Variants in GALNT6 observed in about 807,000 individuals in gnomAD.
The protein encoded by GALNT6 is polypeptide N-acetylgalactosaminyltransferase 6.
In GALNT6, 51 loss-of-function variants were observed where a neutral mutation model predicts 65.9. The ratio of observed to expected loss-of-function variants is 0.77; its 90% confidence interval spans 0.62 to 0.98. The LOEUF (loss-of-function observed/expected upper bound fraction) is 0.98, where lower values mean the gene tolerates loss of function less well. Among genes scored for constraint, GALNT6 ranks in the 50% least tolerant of loss-of-function variants. The probability of loss-of-function intolerance (pLI) is 0.00; values close to 1 mark genes in which losing one functional copy is unlikely to be tolerated. For missense variants in GALNT6, 708 were observed against 803.3 expected, an observed-to-expected ratio of 0.88 and a Z score of 1.43; for synonymous variants, 323 against 315.1, an observed-to-expected ratio of 1.02 and a Z score of -0.26.
intron 3 of GALNT6, among the ~76,000 whole-genome samples, chr12:51,378,748 C>T (rs545169594): frequency 6.6e-6 from 1 of 152,268 alleles, no homozygotes; most frequent in East Asian, 1.9e-4. Flanking sequence ...TAAGTGAGAT[C>T]TCATTGTGCA....
At chr12:51,369,026 C>T (rs942610143) in intron 4 of GALNT6, among the ~76,000 whole-genome samples, 9 of 152,162 alleles carry the variant, frequency 5.9e-5, no homozygotes, top group Non-Finnish European at 1.0e-4. Flanking sequence ...GGGTGCTGGC[C>T]CTGACAGGAA....
intron 3 of GALNT6, among the ~76,000 whole-genome samples, chr12:51,378,666 T>C (rs1159134705): frequency 6.6e-6 from 1 of 152,168 alleles, no homozygotes; most frequent in Non-Finnish European, 1.5e-5. Flanking sequence ...GAAGACACAC[T>C]GTCTTTAACT....
chr12:51,369,547 T>C (rs539138279), intron 4 of GALNT6, among the ~76,000 whole-genome samples: 13 of 152,324 alleles, frequency 8.5e-5, no homozygotes, highest in Admixed American at 2.6e-4. Flanking sequence ...ACCCCTGGGA[T>C]GCCAACACAG....
intron 6 of GALNT6, among the ~76,000 whole-genome samples, chr12:51,361,158 C>T (rs762661589): frequency 6.6e-6 from 1 of 152,242 alleles, no homozygotes; most frequent in Non-Finnish European, 1.5e-5. Context: ...AAGACAGATC[C>T]TATTCCCCCA....
Position 51,355,824 on chromosome 12 carries a change from C to G in GALNT6, c.1737G>C (p.Glu579Asp), listed in dbSNP as rs776491423. The G allele has an allele frequency of 6.2e-6, 10 of 1,613,556 alleles. No homozygotes were observed. Among genetic ancestry groups the G allele is most frequent in the African/African-American group, 1.3e-5 (1 of 75,010 alleles). The change falls in exon 11 of 12, where the codon GAG (glutamate) becomes GAC (aspartate). Residue 579 changes from glutamate to aspartate, a missense_variant. Coordinates refer to ENST00000356317, the MANE Select transcript of GALNT6 (RefSeq NM_007210.4). ...TGKNSQVPKD[E>D]EWELAQDQLI... ...GACTCACCTGGGCCAATTCCCATTC[C>G]TCGTCCTTGGGGACCTGGCTATTCT...
chr12:51,366,647 G>A (rs971915036), intron 4 of GALNT6, among the ~76,000 whole-genome samples: 3 of 152,164 alleles, frequency 2.0e-5, no homozygotes, highest in Admixed American at 2.0e-4. Context: ...CAGGGCAGGT[G>A]ATCCATGATC....
rs1019495877 is a variant in GALNT6, at chr12:51,352,658, A to C, written c.*1721T>G. The C allele has an allele frequency of 6.6e-6, 1 of 152,014 alleles. No individual in the cohort carries two copies. The highest frequency in any genetic ancestry group is 6.6e-5 in the Admixed American group (1 of 15,240). The allele number at this position is 152,014 out of a possible 1,614,324, so 9.4% of individuals were successfully genotyped here. The stretch of plus-strand genomic sequence containing the variant: ...TAAGTGTGCTCTCTCCACAATGGCT[A>C]CCTGGCCCTGTTTTTCCTTTCTTTT... On this transcript the variant is annotated 3_prime_UTR_variant, in exon 12 of 12. Coordinates refer to ENST00000356317, the MANE Select transcript of GALNT6 (RefSeq NM_007210.4).
At chr12:51,389,253 A>G (rs1022332507) in intron 2 of GALNT6, among the ~76,000 whole-genome samples, 4 of 152,260 alleles carry the variant, frequency 2.6e-5, no homozygotes, top group African/African-American at 9.6e-5. Flanking sequence ...TCCAGGGCTG[A>G]GATGTCGGAA....
At chr12:51,380,134 A>G (rs948592102) in intron 2 of GALNT6, among the ~76,000 whole-genome samples, 1 of 152,208 alleles carries the variant, frequency 6.6e-6, no homozygotes, top group African/African-American at 2.4e-5. Flanking sequence ...ATGAGATTTA[A>G]TCATTAAACT....
At chr12:51,382,360 C>T (rs74694384) in intron 2 of GALNT6, 2,255 of 152,310 alleles carry the variant, frequency 0.015, 65 homozygotes, top group East Asian at 0.11. Context: ...CTGAAGGAGC[C>T]GGCATGCAGG....
rs746821810 is a variant in GALNT6, at chr12:51,354,466, A to G, written c.1782T>C (p.Ser594=). ...TGTCCTGGGATGTCAGGCAGGTACC[A>G]GATCCTGAGTTCCTGATGAGCTGAT... The part of the protein sequence containing the change: ...AQDQLIRNSG[S]GTCLTSQDKK... Residue 594 remains serine, a synonymous_variant, in exon 12 of 12, where the codon TCT becomes TCC. Coordinates refer to ENST00000356317, the MANE Select transcript of GALNT6 (RefSeq NM_007210.4). The G allele has an allele frequency of 2.5e-6, 4 of 1,598,346 alleles. No individual in the cohort carries two copies. In the South Asian group the frequency reaches 3.4e-5, roughly 14 times the overall value.
In GALNT6 at chr12:51,377,044, G is replaced by C. The variant is rs1159818564; in HGVS notation, c.664+151C>G. 4.6e-6 allele frequency: 3 copies of C among 651,396 alleles called. No individual in the cohort carries two copies. The Admixed American group carries it at 7.9e-5, about 17-fold the overall frequency. 40.4% of individuals were successfully genotyped at this position (651,396 alleles called of 1,614,324 possible). On this transcript the variant is annotated intron_variant, in intron 4 of 11. Transcript: ENST00000356317. Reference sequence around the variant, plus strand: ...AAGCATGGTCTACCTGCCCCTACCTGACTTCTTCCTGCTCCTGGCCTTTAA... The same window carrying C: ...AAGCATGGTCTACCTGCCCCTACCTCACTTCTTCCTGCTCCTGGCCTTTAA...
chr12:51,388,273 C>G (rs1036616903), intron 2 of GALNT6, among the ~76,000 whole-genome samples: 2 of 152,208 alleles, frequency 1.3e-5, no homozygotes, highest in Non-Finnish European at 2.9e-5. Context: ...TGCCTGCCAG[C>G]CTCCTTTGCC....
intron 4 of GALNT6, among the ~76,000 whole-genome samples, chr12:51,365,945 T>C (rs1947088126): frequency 1.3e-5 from 2 of 151,890 alleles, no homozygotes; most frequent in African/African-American, 4.8e-5. Flanking sequence ...TGAGATGGAG[T>C]CTCATTCTGT....
At chr12:51,386,484 A>C (rs950271291) in intron 2 of GALNT6, among the ~76,000 whole-genome samples, 4 of 152,254 alleles carry the variant, frequency 2.6e-5, no homozygotes, top group Non-Finnish European at 5.9e-5. Context: ...AGAGTCAGCC[A>C]TCCAGAACAT....
At chr12:51,356,053 G>A (rs1592309664) in intron 10 of GALNT6, 95 bp from the exon 11 acceptor site, 1 of 1,127,818 alleles carries the variant, frequency 8.9e-7, no homozygotes, top group East Asian at 2.4e-5. Context: ...GTCTCCTGGG[G>A]AGGAGAGTGA....
At chr12:51,375,323 A>G (rs1255797044) in intron 4 of GALNT6, among the ~76,000 whole-genome samples, 2 of 151,882 alleles carry the variant, frequency 1.3e-5, no homozygotes, top group African/African-American at 4.8e-5. Flanking sequence ...TCTCTTAGAC[A>G]CTCATCCTTT....
chr12:51,371,273 G>A (rs1237377487), intron 4 of GALNT6, among the ~76,000 whole-genome samples: 4 of 151,964 alleles, frequency 2.6e-5, no homozygotes, highest in Admixed American at 6.6e-5. Context: ...TAGTAGAGAC[G>A]GGGTTTCTCC....
chr12:51,376,415 C>T (rs1030015804), intron 4 of GALNT6, among the ~76,000 whole-genome samples: 2 of 151,888 alleles, frequency 1.3e-5, no homozygotes, highest in African/African-American at 4.8e-5. Context: ...AGGCAGATTA[C>T]CTGAGTTCGG....
Sources: allele counts gnomAD v4.1 joint callset (sites outside exome capture counted in the v4.1 genomes callset), GRCh38; gene constraint gnomAD v4.1.1; transcripts MANE v1.5; gene names NCBI Gene and HGNC (gene_info 2026-07-23, HGNC 2026-07-21).